The following OXSR1 variants were observed in gnomAD, a reference collection of about 807,000 sequenced individuals.
The protein encoded by OXSR1 is oxidative stress responsive kinase 1.
OXSR1 carries 24 observed loss-of-function variants against 79.8 expected under a neutral mutation model. That is an observed-to-expected ratio of 0.30 (90% CI 0.22 to 0.42). OXSR1 has a LOEUF of 0.42. Ranked by LOEUF, OXSR1 falls within the 10% of genes least tolerant of loss-of-function variation. The pLI is 1.00. For missense variants in OXSR1, 430 were observed against 618.4 expected (o/e 0.70, Z 3.23); for synonymous variants, 226 against 209.2 (o/e 1.08, Z -0.69).
At chr3:38,177,331 A>C (rs1701692934) in intron 1 of OXSR1, among the ~76,000 whole-genome samples, 1 of 152,210 alleles carries the variant, frequency 6.6e-6, no homozygotes, top group Non-Finnish European at 1.5e-5. Flanking sequence ...ATGGGATCTG[A>C]GAGGGAGGGA....
rs565333843 is a variant in OXSR1 at position 38,165,897 on chromosome 3, C to T, written c.21C>T (p.Ala7=). 1.2e-6 allele frequency: 2 copies of T among 1,611,704 alleles called. No individual in the cohort carries two copies. The highest frequency in any genetic ancestry group is 1.7e-6 in the Non-Finnish European group (2 of 1,179,580). ...CCGTCATGTCCGAGGACTCGAGCGC[C>T]CTGCCCTGGTCCATCAACAGGGACG... MSEDSS[A]LPWSINRDDY... is the part of the protein sequence containing the mutation. Residue 7 remains alanine (A), a synonymous_variant, in exon 1 of 18, where the codon GCC becomes GCT. Coordinates refer to ENST00000311806, the MANE Select transcript of OXSR1 (RefSeq NM_005109.3).
At chr3:38,219,779 A>AGATGATGGT (rs1553636561) in intron 5 of OXSR1, among the ~76,000 whole-genome samples, 17 of 148,250 alleles carry the variant, frequency 1.1e-4, no homozygotes, top group Non-Finnish European at 2.4e-4. Context: ...AAAACTGTTA[A>AGATGATGGT]GATGATGATG....
chr3:38,174,684 A>T (rs559014927), intron 1 of OXSR1, among the ~76,000 whole-genome samples: 1 of 152,282 alleles, frequency 6.6e-6, no homozygotes, highest in South Asian at 2.1e-4. Context: ...AGTAGTGGAG[A>T]TGGTGAGAAG....
At chr3:38,202,227 G>A (rs1362733093) in intron 4 of OXSR1, among the ~76,000 whole-genome samples, 1 of 152,200 alleles carries the variant, frequency 6.6e-6, no homozygotes, top group Non-Finnish European at 1.5e-5. Context: ...GGGGTCTTTA[G>A]AGATGGCATC....
chr3:38,170,885 C>T (rs930372962), intron 1 of OXSR1, among the ~76,000 whole-genome samples: 7 of 152,158 alleles, frequency 4.6e-5, no homozygotes, highest in African/African-American at 1.7e-4. Flanking sequence ...TCGAGTGATC[C>T]TCTTGCCTCG....
At position 38,183,025 on chromosome 3, in the gene OXSR1, C is replaced by A. The variant is rs751743054; in HGVS notation, c.93C>A (p.Val31=). The part of the protein sequence containing the change: ...EVIGSGATAV[V]QAAYCAPKKE... Reference sequence around the variant, plus strand: ...TAGGGAGTGGAGCAACTGCTGTAGTCCAAGCAGCTTATTGTGCCCCTAAAA... The same window carrying A: ...TAGGGAGTGGAGCAACTGCTGTAGTACAAGCAGCTTATTGTGCCCCTAAAA... Residue 31 remains valine (V), a synonymous_variant, in exon 2 of 18, where the codon GTC becomes GTA. Coordinates refer to ENST00000311806, the MANE Select transcript of OXSR1 (RefSeq NM_005109.3). 32 of 1,610,832 alleles carry A rather than the reference C, an allele frequency of 2.0e-5. No homozygotes were observed. The highest frequency in any genetic ancestry group is 2.2e-5 in the Non-Finnish European group (26 of 1,177,842).
chr3:38,223,955 A>G (rs753165849), intron 7 of OXSR1, 42 bp downstream of exon 7: 6 of 1,221,420 alleles, frequency 4.9e-6, no homozygotes, highest in Middle Eastern at 3.9e-4. Flanking sequence ...TCAAGTCCCA[A>G]TTCCTTTTCA....
At chr3:38,251,297 A>G (rs1703249963) in intron 15 of OXSR1, 106 bp from the exon 16 acceptor site, 1 of 855,252 alleles carries the variant, frequency 1.2e-6, no homozygotes, top group South Asian at 1.4e-5. Flanking sequence ...TGGATTTAGC[A>G]TCCAGCTTGG....
intron 12 of OXSR1, among the ~76,000 whole-genome samples, chr3:38,245,026 A>T (rs1223628071): frequency 6.6e-6 from 1 of 152,176 alleles, no homozygotes; most frequent in African/African-American, 2.4e-5. Context: ...AGTCTTTTGA[A>T]ATAGTATTAA....
intron 13 of OXSR1, 36 bp downstream of exon 13, chr3:38,246,257 T>C (rs1244568187): frequency 6.2e-7 from 1 of 1,606,282 alleles, no homozygotes; most frequent in Non-Finnish European, 8.5e-7. Context: ...GTCACTCCTT[T>C]GGATAGATGA....
intron 10 of OXSR1, among the ~76,000 whole-genome samples, chr3:38,232,956 A>G (rs768539221): frequency 1.3e-5 from 2 of 152,162 alleles, no homozygotes; most frequent in Non-Finnish European, 2.9e-5. Flanking sequence ...ATACAACAGA[A>G]CCCTGAAAGG....
chr3:38,211,779 A>G (rs186766861), intron 4 of OXSR1, among the ~76,000 whole-genome samples: 67 of 152,202 alleles, frequency 4.4e-4, no homozygotes, highest in Admixed American at 3.5e-3. Flanking sequence ...TCTGCCTCTT[A>G]AGTGTCTCTT....
intron 3 of OXSR1, among the ~76,000 whole-genome samples, chr3:38,194,237 C>A (rs1475367971): frequency 6.6e-6 from 1 of 152,058 alleles, no homozygotes; most frequent in Non-Finnish European, 1.5e-5. Context: ...GAGGTGAAGT[C>A]CAACTGAGAT....
intron 11 of OXSR1, among the ~76,000 whole-genome samples, chr3:38,239,540 G>A (rs1316545565): frequency 3.9e-5 from 6 of 152,158 alleles, no homozygotes; most frequent in African/African-American, 1.4e-4. Context: ...TCACCTGTGA[G>A]TTATTAGTTT....
intron 1 of OXSR1, among the ~76,000 whole-genome samples, chr3:38,179,277 A>G (rs1271658258): frequency 1.3e-5 from 2 of 151,830 alleles, no homozygotes; most frequent in African/African-American, 4.8e-5. Context: ...CGATCCATCC[A>G]CCTTGGCCTC....
At chr3:38,211,587 A>T (rs939388757) in intron 4 of OXSR1, among the ~76,000 whole-genome samples, 1 of 152,168 alleles carries the variant, frequency 6.6e-6, no homozygotes, top group African/African-American at 2.4e-5. Flanking sequence ...TGGTAAGCAT[A>T]TCTTTCATTG....
At chr3:38,185,231 CAA>C (rs1701862326) in intron 2 of OXSR1, among the ~76,000 whole-genome samples, 2 of 152,076 alleles carry the variant, frequency 1.3e-5, no homozygotes, top group Non-Finnish European at 2.9e-5. Context: ...GACACAAAGA[CAA>C]CCATAGGCAA....
In OXSR1 at chr3:38,246,162, G is replaced by A; in HGVS notation, c.1198G>A (p.Ala400Thr). 6.2e-7 allele frequency: 1 copy of A among 1,613,818 alleles called. No homozygotes were observed. Among genetic ancestry groups the A allele is most frequent in the South Asian group, 1.1e-5 (1 of 91,078 alleles). ...TCTACCTCAGCCAGCTGGGCAGATT[G>A]CTACACAGCCAACTCAAGTCTCTCT... ...AHLPQPAGQI[A>T]TQPTQVSLPP... The change falls in exon 13 of 18, where the codon GCT becomes ACT. Residue 400 changes from alanine to threonine, a missense_variant. Ala to Thr is a moderately conservative substitution (Grantham distance 58). This residue lies in a region of OXSR1 where 276 missense variants were observed against 354.2 expected (regional missense o/e 0.78). Transcript: ENST00000311806.
In OXSR1 at chr3:38,221,695, G is replaced by A. The variant is rs1346779512; in HGVS notation, c.600+8G>A. The stretch of plus-strand genomic sequence containing the variant: ...CCTGAAGTTATGGAACAGGTACCGT[G>A]TCTTTTTTTCTGTTTTAAATGGGTT... On this transcript the variant is annotated splice_region_variant and intron_variant, in intron 6 of 17. Coordinates refer to ENST00000311806, the MANE Select transcript of OXSR1 (RefSeq NM_005109.3). 1 of 1,547,790 alleles carries A rather than the reference G, an allele frequency of 6.5e-7. No homozygotes were observed. The highest frequency in any genetic ancestry group is 1.1e-5 in the South Asian group (1 of 89,266).
Sources: allele counts gnomAD v4.1 joint callset (sites outside exome capture counted in the v4.1 genomes callset), GRCh38; gene constraint gnomAD v4.1.1; regional missense constraint gnomAD v4.1.1; transcripts MANE v1.5; gene names NCBI Gene and HGNC (gene_info 2026-07-23, HGNC 2026-07-21).